The following ARIH1 variants were observed in gnomAD, a reference collection of about 807,000 sequenced individuals.
ARIH1 encodes the protein E3 ubiquitin-protein ligase ARIH1.
ARIH1 carries 8 observed loss-of-function variants against 85.0 expected under a neutral mutation model. The observed-to-expected ratio is 0.09, with a 90% confidence interval of 0.06 to 0.17. ARIH1 has a LOEUF of 0.17. Ranked by LOEUF, ARIH1 falls within the 10% of genes least tolerant of loss-of-function variation. The pLI, the probability that ARIH1 is intolerant of heterozygous loss-of-function variation, is 1.00. For synonymous variants in ARIH1, 238 were observed against 253.6 expected, an observed-to-expected ratio of 0.94 and a Z score of 0.59; for missense variants, 311 against 718.1, an observed-to-expected ratio of 0.43 and a Z score of 6.48.
At chr15:72,501,071 C>T (rs550482563) in intron 1 of ARIH1, among the ~76,000 whole-genome samples, 6 of 152,146 alleles carry the variant, frequency 3.9e-5, no homozygotes, top group African/African-American at 1.2e-4. Context: ...TGTCATGATT[C>T]GTAATTATTG....
chr15:72,549,141 G>A (rs1335156795), intron 3 of ARIH1, among the ~76,000 whole-genome samples: 2 of 148,896 alleles, frequency 1.3e-5, no homozygotes, highest in Non-Finnish European at 3.0e-5. Flanking sequence ...AGGCTGGAGT[G>A]CAGTGGCATG....
intron 1 of ARIH1, among the ~76,000 whole-genome samples, chr15:72,477,499 A>G (rs546679067): frequency 6.6e-6 from 1 of 152,336 alleles, no homozygotes; most frequent in South Asian, 2.1e-4. Flanking sequence ...TTGAAATGTA[A>G]AAAGATAACC....
chr15:72,498,961 A>ATTTTTTTTTTTTTTTTTT (rs535261674), intron 1 of ARIH1, among the ~76,000 whole-genome samples: 4 of 88,448 alleles, frequency 4.5e-5, no homozygotes, highest in Non-Finnish European at 6.5e-5. Flanking sequence ...CTTTTCATAA[A>ATTTTTTTTTTTTTTTTTT]TTTTTTTTTT....
intron 1 of ARIH1, among the ~76,000 whole-genome samples, chr15:72,514,401 A>T (rs963478871): frequency 3.3e-5 from 5 of 152,248 alleles, no homozygotes; most frequent in South Asian, 2.1e-4. Flanking sequence ...TCATTTTTTT[A>T]AAAAATAGTA....
intron 1 of ARIH1, among the ~76,000 whole-genome samples, chr15:72,480,059 T>G (rs1036094110): frequency 2.0e-5 from 3 of 151,448 alleles, no homozygotes; most frequent in Non-Finnish European, 3.0e-5. Context: ...TTAGTAGAGA[T>G]GGGGTTTCAC....
chr15:72,479,869 T>G (rs1296761403), intron 1 of ARIH1, among the ~76,000 whole-genome samples: 1 of 149,222 alleles, frequency 6.7e-6, no homozygotes, highest in African/African-American at 2.4e-5. Context: ...GTACTATTCT[T>G]TTTTTTTTTT....
intron 1 of ARIH1, among the ~76,000 whole-genome samples, chr15:72,503,366 G>A: frequency 6.6e-6 from 1 of 152,148 alleles, no homozygotes; most frequent in East Asian, 1.9e-4. Flanking sequence ...TCCCCTAGCT[G>A]GGTATTTAGA....
At chr15:72,479,184 C>T (rs1241542323) in intron 1 of ARIH1, among the ~76,000 whole-genome samples, 2 of 152,024 alleles carry the variant, frequency 1.3e-5, no homozygotes, top group Non-Finnish European at 2.9e-5. Context: ...TTTTGGATTT[C>T]GGATTTTCAG....
chr15:72,486,458 C>T (rs1485291749), intron 1 of ARIH1, among the ~76,000 whole-genome samples: 1 of 152,080 alleles, frequency 6.6e-6, no homozygotes, highest in Non-Finnish European at 1.5e-5. Flanking sequence ...GTATTACCTA[C>T]ACTTTCAAGC....
At chr15:72,515,446 T>G (rs1312083096) in intron 1 of ARIH1, among the ~76,000 whole-genome samples, 3 of 152,244 alleles carry the variant, frequency 2.0e-5, no homozygotes, top group African/African-American at 7.2e-5. Flanking sequence ...TATCTTCTGC[T>G]TTAAGAATTG....
At chr15:72,496,950 T>A in intron 1 of ARIH1, 1 of 542,468 alleles carries the variant, frequency 1.8e-6, no homozygotes, top group Non-Finnish European at 2.4e-6. Context: ...CCTCATTATT[T>A]AAGGGCACAT....
chr15:72,566,587 T>C lies in ARIH1; in HGVS notation c.936T>C (p.His312=). 2 of 1,613,296 alleles carry C rather than the reference T, an allele frequency of 1.2e-6. No individual in the cohort carries two copies. Among genetic ancestry groups the C allele is most frequent in the Non-Finnish European group, 1.7e-6 (2 of 1,179,466 alleles). ...QFCFNCGENW[H]DPVKCKWLKK... is the part of the protein sequence containing the mutation. ...GCTTTAACTGTGGAGAAAATTGGCA[T>C]GATCCTGTTAAATGTAAGGTGAGTT... The change falls in exon 8 of 14, where the codon CAT becomes CAC. Residue 312 remains histidine (H), a synonymous_variant. Transcript: ENST00000379887.
chr15:72,551,802 A>G (rs1184511486), intron 3 of ARIH1, among the ~76,000 whole-genome samples: 2 of 152,216 alleles, frequency 1.3e-5, no homozygotes, highest in African/African-American at 2.4e-5. Context: ...TGAAAAACCC[A>G]CAGGCAAAGT....
intron 1 of ARIH1, among the ~76,000 whole-genome samples, chr15:72,492,965 T>C (rs2063865390): frequency 4.6e-5 from 7 of 152,032 alleles, no homozygotes; most frequent in Admixed American, 3.3e-4. Flanking sequence ...TCATGTAGAG[T>C]CAAATTAACA....
intron 2 of ARIH1, among the ~76,000 whole-genome samples, chr15:72,544,553 TAC>T (rs3028479): frequency 1.2e-3 from 182 of 149,244 alleles, no homozygotes; most frequent in African/African-American, 3.8e-3. Context: ...TTTACATACA[TAC>T]ACACACACAC....
Position 72,555,837 on chromosome 15 carries a change from T to A in ARIH1, c.682-15T>A, listed in dbSNP as rs779699519. The A allele has an allele frequency of 2.5e-6, 4 of 1,610,524 alleles. No individual in the cohort carries two copies. In the Admixed American group the frequency reaches 5.0e-5, roughly 20 times the overall value. On this transcript the variant is annotated splice_polypyrimidine_tract_variant and intron_variant, in intron 4 of 13. Coordinates refer to ENST00000379887, the MANE Select transcript of ARIH1 (RefSeq NM_005744.5). Reference sequence around the variant, plus strand: ...TTTGTTGAATGAAGACAGTTTAAATTTCAATCTTTTTCAGACTATTTCGTG... The same window carrying A: ...TTTGTTGAATGAAGACAGTTTAAATATCAATCTTTTTCAGACTATTTCGTG...
Position 72,598,887 on chromosome 15 carries a change from T to TTA in ARIH1, c.*15596_*15597insAT, listed in dbSNP as rs2064372598. On this transcript the variant is annotated 3_prime_UTR_variant, in exon 14 of 14. Coordinates refer to ENST00000379887, the MANE Select transcript of ARIH1 (RefSeq NM_005744.5). ...CATGTGCCACCATGCCTGGCTTTTT[T>TTA]TTTTTTGTAGAGTTTGGGTCTCGCT... 1 of 150,972 alleles carries TTA rather than the reference T, an allele frequency of 6.6e-6. No individual in the cohort carries two copies. Among genetic ancestry groups the TTA allele is most frequent in the South Asian group, 2.1e-4 (1 of 4,718 alleles). The allele number at this position is 150,972 out of a possible 1,614,324, so 9.4% of individuals were successfully genotyped here. A position where few individuals can be genotyped will look rare whatever the true frequency, so the allele number is the denominator to read the frequency against.
Position 72,474,433 on chromosome 15 carries a change from G to A in ARIH1, c.-207G>A. 3 of 641,616 alleles carry A rather than the reference G, an allele frequency of 4.7e-6. No homozygotes were observed. The highest frequency in any genetic ancestry group is 3.2e-5 in the Admixed American group (1 of 31,660). The allele number at this position is 641,616 out of a possible 1,614,324, so 39.7% of individuals were successfully genotyped here. ...GAGGCGGGCAGCAAGCGGCCCCCTC[G>A]CTCCCTCCCTCCCTCCTCCGCGCCC... On this transcript the variant is annotated 5_prime_UTR_variant, in exon 1 of 14. Coordinates refer to ENST00000379887, the MANE Select transcript of ARIH1 (RefSeq NM_005744.5).
intron 11 of ARIH1, among the ~76,000 whole-genome samples, chr15:72,580,197 C>T (rs2064289936): frequency 6.6e-6 from 1 of 152,134 alleles, no homozygotes; most frequent in African/African-American, 2.4e-5. Context: ...TATTTCTTTT[C>T]TGTGCCTGGC....
Sources: allele counts gnomAD v4.1 joint callset (sites outside exome capture counted in the v4.1 genomes callset), GRCh38; gene constraint gnomAD v4.1.1; transcripts MANE v1.5; gene names NCBI Gene and HGNC (gene_info 2026-07-23, HGNC 2026-07-21).